Variants in EVI5 observed in about 807,000 individuals in gnomAD.
EVI5 encodes the protein ecotropic viral integration site 5 protein homolog.
A neutral mutation model predicts 112.0 loss-of-function variants in EVI5; 73 were observed. The observed-to-expected ratio is 0.65, with a 90% CI of 0.54 to 0.79. The LOEUF is 0.79. EVI5 is among the 30% of genes least tolerant of loss of function. EVI5 has a pLI of 0.00. For synonymous variants in EVI5, 305 were observed against 319.9 expected (o/e 0.95, Z 0.50); for missense variants, 900 against 968.8 (o/e 0.93, Z 0.94).
intron 19 of EVI5, among the ~76,000 whole-genome samples, chr1:92,555,715 C>T (rs1292296792): frequency 2.6e-5 from 4 of 151,726 alleles, no homozygotes; most frequent in African/African-American, 7.3e-5. Flanking sequence ...CCAGGTGTGG[C>T]GGCATGTGCC....
At chr1:92,649,068 T>A (rs573015472) in intron 13 of EVI5, among the ~76,000 whole-genome samples, 4 of 152,232 alleles carry the variant, frequency 2.6e-5, no homozygotes, top group African/African-American at 9.6e-5. Context: ...CCATCCATTA[T>A]AATGGATGTG....
At chr1:92,543,593 G>A (rs1665190800) in intron 19 of EVI5, among the ~76,000 whole-genome samples, 1 of 152,134 alleles carries the variant, frequency 6.6e-6, no homozygotes, top group Non-Finnish European at 1.5e-5. Flanking sequence ...CTAACTGTTT[G>A]GTGCAACAGA....
chr1:92,755,240 C>A (rs1184106462), intron 1 of EVI5, among the ~76,000 whole-genome samples: 1 of 151,878 alleles, frequency 6.6e-6, no homozygotes, highest in Non-Finnish European at 1.5e-5. Context: ...GAAACCCCGT[C>A]TCCACTAAAA....
chr1:92,782,942 C>T (rs1685057194), intron 1 of EVI5, among the ~76,000 whole-genome samples: 1 of 152,066 alleles, frequency 6.6e-6, no homozygotes, highest in Admixed American at 6.6e-5. Flanking sequence ...ACCTCAGCCT[C>T]CTGGGTAGCT....
At chr1:92,791,574 T>C (rs1357403439) in intron 1 of EVI5, among the ~76,000 whole-genome samples, 1 of 152,228 alleles carries the variant, frequency 6.6e-6, no homozygotes, top group Non-Finnish European at 1.5e-5. Flanking sequence ...TGACACCTGC[T>C]AATAGTCTGG....
At chr1:92,563,213 A>G (rs1162036926) in intron 19 of EVI5, among the ~76,000 whole-genome samples, 1 of 152,086 alleles carries the variant, frequency 6.6e-6, no homozygotes, top group Non-Finnish European at 1.5e-5. Flanking sequence ...CTTTTTTGCA[A>G]TCTCAGTAAT....
Position 92,512,556 on chromosome 1 carries a change from G to C in EVI5, c.*1100C>G, listed in dbSNP as rs1468633786. 6.6e-6 allele frequency: 1 copy of C among 152,128 alleles called. No homozygotes were observed. The highest frequency in any genetic ancestry group is 2.1e-4 in the South Asian group (1 of 4,832). The allele number at this position is 152,128 out of a possible 1,614,324, so 9.4% of individuals were successfully genotyped here. A position where few individuals can be genotyped will look rare whatever the true frequency, so the allele number is the denominator to read the frequency against. On this transcript the variant is annotated 3_prime_UTR_variant, in exon 20 of 20. Transcript: ENST00000684568. ...GCTGAAAGCAGTCATTTTGCAACAT[G>C]TATGTTCTTCATATAAAATGATGTT...
chr1:92,632,408 G>C (rs1054169008), intron 14 of EVI5, among the ~76,000 whole-genome samples: 1 of 152,138 alleles, frequency 6.6e-6, no homozygotes, highest in African/African-American at 2.4e-5. Flanking sequence ...GTTTAGTCTT[G>C]GGAAGGTGTA....
rs191003127 is a variant in EVI5, at chr1:92,761,574, T to C, written c.-82+23262A>G. Among the ~76,000 whole-genome samples, 1,168 of 152,312 alleles carry C rather than the reference T, an allele frequency of 7.7e-3. 5 individuals carry two copies. Among genetic ancestry groups the C allele is most frequent in the Non-Finnish European group, 0.013 (857 of 68,026 alleles). ...CAAGGAGTTAAAAACTCTGAGCCCA[T>C]AAAAAACCTGATATACAACTGAATT... On this transcript the variant is annotated intron_variant, in intron 1 of 19. Coordinates refer to ENST00000684568, the MANE Select transcript of EVI5 (RefSeq NM_001350197.2).
At chr1:92,697,289 T>C (rs1670469897) in intron 6 of EVI5, among the ~76,000 whole-genome samples, 1 of 151,990 alleles carries the variant, frequency 6.6e-6, no homozygotes, top group South Asian at 2.1e-4. Flanking sequence ...AATATAAAAA[T>C]TAAATCCAGA....
intron 19 of EVI5, among the ~76,000 whole-genome samples, chr1:92,531,757 C>T (rs1386447007): frequency 1.3e-5 from 2 of 152,170 alleles, no homozygotes; most frequent in Admixed American, 6.5e-5. Context: ...TTGTCACCAC[C>T]AGGCCTGCCT....
At chr1:92,588,994 TTAAC>T (rs1170199643) in intron 18 of EVI5, among the ~76,000 whole-genome samples, 1 of 152,210 alleles carries the variant, frequency 6.6e-6, no homozygotes, top group Non-Finnish European at 1.5e-5. Flanking sequence ...TTGAAAAGAA[TTAAC>T]TACAGTAGTG....
intron 14 of EVI5, among the ~76,000 whole-genome samples, chr1:92,632,829 C>A (rs1236287905): frequency 1.3e-5 from 2 of 152,216 alleles, no homozygotes; most frequent in Non-Finnish European, 2.9e-5. Context: ...AAATTTCCCT[C>A]TACACACTGC....
chr1:92,618,202 G>A (rs946390168), intron 16 of EVI5, among the ~76,000 whole-genome samples: 1 of 152,162 alleles, frequency 6.6e-6, no homozygotes, highest in Non-Finnish European at 1.5e-5. Context: ...GAATCAAGGG[G>A]TGGAAGTGCA....
intron 2 of EVI5, among the ~76,000 whole-genome samples, chr1:92,725,927 A>G (rs1284528324): frequency 6.6e-6 from 1 of 152,194 alleles, no homozygotes; most frequent in Admixed American, 6.5e-5. Flanking sequence ...TCTAGCTTCT[A>G]AAGATAAAAC....
intron 13 of EVI5, among the ~76,000 whole-genome samples, chr1:92,652,462 A>G (rs1357511401): frequency 6.6e-6 from 1 of 152,192 alleles, no homozygotes; most frequent in East Asian, 1.9e-4. Context: ...ATGACACTGA[A>G]CTGTACACTT....
At chr1:92,656,685 T>C (rs915125989) in intron 13 of EVI5, among the ~76,000 whole-genome samples, 1 of 151,478 alleles carries the variant, frequency 6.6e-6, no homozygotes, top group Non-Finnish European at 1.5e-5. Flanking sequence ...TAACAAGTGA[T>C]CAGAAATGAA....
intron 2 of EVI5, among the ~76,000 whole-genome samples, chr1:92,730,962 C>A (rs989659366): frequency 4.0e-5 from 6 of 151,786 alleles, no homozygotes; most frequent in East Asian, 1.9e-4. Context: ...TAGACAAAAA[C>A]CAAAAAAAAC....
At chr1:92,735,676 TTA>T (rs1677258824) in intron 2 of EVI5, among the ~76,000 whole-genome samples, 2 of 18,762 alleles carry the variant, frequency 1.1e-4, no homozygotes, top group Admixed American at 7.8e-4. Flanking sequence ...ACAAAATATA[TTA>T]TATATAACAT....
Sources: allele counts gnomAD v4.1 joint callset (sites outside exome capture counted in the v4.1 genomes callset), GRCh38; gene constraint gnomAD v4.1.1; transcripts MANE v1.5; gene names NCBI Gene and HGNC (gene_info 2026-07-23, HGNC 2026-07-21).